NUFIP1: variants seen among roughly 807,000 people sequenced by gnomAD.
NUFIP1 encodes FMR1-interacting protein NUFIP1.
In NUFIP1, 38 loss-of-function variants were observed where a neutral mutation model predicts 56.2. The ratio of observed to expected loss-of-function variants is 0.68; its 90% CI spans 0.52 to 0.89. The LOEUF (loss-of-function observed/expected upper bound fraction) is 0.89, where lower values mean the gene tolerates loss of function less well. NUFIP1 is among the 40% of genes least tolerant of loss of function. The probability of loss-of-function intolerance (pLI) is 0.00; values close to 1 mark genes in which losing one functional copy is unlikely to be tolerated. For synonymous variants in NUFIP1, 215 were observed against 212.4 expected (o/e 1.01, Z -0.10); for missense variants, 567 against 605.8 (o/e 0.94, Z 0.67).
At chr13:44,957,384 G>A (rs1034707195) in intron 7 of NUFIP1, among the ~76,000 whole-genome samples, 17 of 152,048 alleles carry the variant, frequency 1.1e-4, no homozygotes, top group Non-Finnish European at 1.0e-4. Context: ...GCTAATTTTT[G>A]TATTTTTAGT....
chr13:44,980,227 A>G (rs1415177029), intron 3 of NUFIP1, among the ~76,000 whole-genome samples: 3 of 152,238 alleles, frequency 2.0e-5, no homozygotes, highest in Non-Finnish European at 4.4e-5. Context: ...CTTAATTCCT[A>G]AAGTTGAGGG....
At chr13:44,947,153 A>G (rs1413813002) in intron 8 of NUFIP1, among the ~76,000 whole-genome samples, 1 of 152,098 alleles carries the variant, frequency 6.6e-6, no homozygotes, top group Admixed American at 6.6e-5. Context: ...ATGGAAGGCA[A>G]TGAAAGTTGG....
intron 5 of NUFIP1, among the ~76,000 whole-genome samples, chr13:44,968,224 A>C (rs191998378): frequency 1.3e-4 from 20 of 152,326 alleles, no homozygotes; most frequent in African/African-American, 4.6e-4. Context: ...AGGAGATAAA[A>C]ATCTGACAGT....
chr13:44,986,320 T>A (rs189501020), intron 1 of NUFIP1, among the ~76,000 whole-genome samples: 70 of 152,236 alleles, frequency 4.6e-4, no homozygotes, highest in African/African-American at 1.6e-3. Context: ...CCAACCCTCA[T>A]AGACGATTTT....
At chr13:44,957,113 CATCTTT>C (rs1196510047) in intron 7 of NUFIP1, among the ~76,000 whole-genome samples, 1 of 152,132 alleles carries the variant, frequency 6.6e-6, no homozygotes, top group African/African-American at 2.4e-5. Flanking sequence ...TACAGGTTCT[CATCTTT>C]GACACTCGAA....
intron 5 of NUFIP1, among the ~76,000 whole-genome samples, chr13:44,973,798 T>C (rs570772028): frequency 2.6e-5 from 4 of 152,240 alleles, no homozygotes; most frequent in Admixed American, 6.5e-5. Context: ...ACTTTAAAGA[T>C]GGAGTAGGTA....
At chr13:44,952,781 G>A (rs1352611653) in intron 7 of NUFIP1, among the ~76,000 whole-genome samples, 1 of 152,054 alleles carries the variant, frequency 6.6e-6, no homozygotes, top group South Asian at 2.1e-4. Flanking sequence ...TTCCACTAAC[G>A]TCCTTTTTTC....
intron 8 of NUFIP1, among the ~76,000 whole-genome samples, chr13:44,944,397 G>A (rs997861317): frequency 1.3e-5 from 2 of 152,066 alleles, no homozygotes; most frequent in African/African-American, 2.4e-5. Flanking sequence ...GGGTCAATTC[G>A]TCAATAAGAC....
chr13:44,976,511 T>G (rs1236198144), intron 5 of NUFIP1, among the ~76,000 whole-genome samples: 1 of 151,512 alleles, frequency 6.6e-6, no homozygotes, highest in African/African-American at 2.4e-5. Flanking sequence ...AAACAACCAA[T>G]AGATAGAAAA....
chr13:44,984,181 T>C (rs902528230), intron 1 of NUFIP1, among the ~76,000 whole-genome samples: 15 of 152,160 alleles, frequency 9.9e-5, no homozygotes, highest in African/African-American at 3.6e-4. Flanking sequence ...ATTCTATACA[T>C]CTCCTAAGAC....
chr13:44,969,366 G>A (rs1429257810), intron 5 of NUFIP1, among the ~76,000 whole-genome samples: 1 of 152,122 alleles, frequency 6.6e-6, no homozygotes, highest in African/African-American at 2.4e-5. Flanking sequence ...TCTGATGAAG[G>A]AGTTCAGGTT....
chr13:44,977,523 A>G (rs7326319), intron 5 of NUFIP1, among the ~76,000 whole-genome samples: 199 of 152,364 alleles, frequency 1.3e-3, no homozygotes, highest in African/African-American at 4.6e-3. Flanking sequence ...GCACTCTGGT[A>G]GCACTGACAT....
In NUFIP1 at chr13:44,943,452, A is replaced by G; in HGVS notation, c.1361T>C (p.Leu454Pro). The change falls in exon 9 of 10, where the codon CTC (leucine) becomes CCC (proline). Residue 454 changes from leucine to proline, a missense_variant. Physicochemically the swap from Leu to Pro is moderately conservative, Grantham distance 98. Transcript: ENST00000379161. ...AGAAAAATAATTTACCATTTCCAAG[A>G]GATATGGATGGTGTGTTCTTGGTTC... ...LFEPRTHHPYLLEMLLAPDIR... is the reference protein window; with the variant it reads ...LFEPRTHHPYPLEMLLAPDIR... 1 of 1,611,852 alleles carries G rather than the reference A, an allele frequency of 6.2e-7. No individual in the cohort carries two copies. The highest frequency in any genetic ancestry group is 1.1e-5 in the South Asian group (1 of 90,826).
intron 8 of NUFIP1, among the ~76,000 whole-genome samples, chr13:44,945,613 T>C (rs957274784): frequency 5.9e-5 from 9 of 152,052 alleles, no homozygotes; most frequent in East Asian, 1.9e-4. Context: ...AAAAGGGTAA[T>C]AGACCATGAC....
At chr13:44,980,606 A>G in intron 3 of NUFIP1, 116 bp downstream of exon 3, 1 of 759,468 alleles carries the variant, frequency 1.3e-6, no homozygotes, top group Non-Finnish European at 2.1e-6. Context: ...TTGTCAAACT[A>G]TATCTCTACA....
intron 6 of NUFIP1, among the ~76,000 whole-genome samples, chr13:44,963,885 CACTG>C (rs1871507513): frequency 6.6e-6 from 1 of 152,156 alleles, no homozygotes; most frequent in Non-Finnish European, 1.5e-5. Flanking sequence ...CTTGTTGTTG[CACTG>C]ACTCTTTTAA....
intron 1 of NUFIP1, among the ~76,000 whole-genome samples, chr13:44,983,872 AC>A (rs1387042449): frequency 2.0e-5 from 3 of 152,150 alleles, no homozygotes; most frequent in African/African-American, 7.2e-5. Context: ...TCTTGATGTC[AC>A]CATGCAGCAA....
At chr13:44,941,901 A>C (rs1870752685) in intron 9 of NUFIP1, among the ~76,000 whole-genome samples, 1 of 151,576 alleles carries the variant, frequency 6.6e-6, no homozygotes. Flanking sequence ...AATAGGTTTA[A>C]ACGTCTGCGA....
intron 4 of NUFIP1, among the ~76,000 whole-genome samples, 163 bp downstream of exon 4, chr13:44,979,727 C>T (rs564704852): frequency 1.3e-5 from 2 of 152,212 alleles, no homozygotes; most frequent in Admixed American, 6.5e-5. Flanking sequence ...TATAAACAAC[C>T]ATAGTTGTTT....
Sources: allele counts gnomAD v4.1 joint callset (sites outside exome capture counted in the v4.1 genomes callset), GRCh38; gene constraint gnomAD v4.1.1; transcripts MANE v1.5; gene names NCBI Gene and HGNC (gene_info 2026-07-23, HGNC 2026-07-21).